CNST: variants seen among roughly 807,000 people sequenced by gnomAD.
CNST encodes the protein consortin, connexin sorting protein.
A neutral mutation model predicts 72.4 loss-of-function variants in CNST; 39 were observed. The ratio of observed to expected loss-of-function variants is 0.54; its 90% CI spans 0.42 to 0.70. The LOEUF is 0.70. CNST is among the 30% of genes least tolerant of loss of function. The probability of loss-of-function intolerance (pLI) is 0.00; values close to 1 mark genes in which losing one functional copy is unlikely to be tolerated. For missense variants in CNST, 871 were observed against 868.5 expected (o/e 1.00, Z -0.04); for synonymous variants, 332 against 320.1 (o/e 1.04, Z -0.40).
chr1:246,616,415 G>A (rs1350600655), intron 2 of CNST, among the ~76,000 whole-genome samples: 2 of 152,016 alleles, frequency 1.3e-5, no homozygotes, highest in Admixed American at 6.5e-5. Flanking sequence ...AAAATCATCC[G>A]GGCTTGGTGG....
chr1:246,612,491 C>G (rs1325107678), intron 2 of CNST, among the ~76,000 whole-genome samples: 1 of 152,198 alleles, frequency 6.6e-6, no homozygotes, highest in Non-Finnish European at 1.5e-5. Flanking sequence ...GCGTGAGCCA[C>G]CGTGGCCAGC....
intron 2 of CNST, among the ~76,000 whole-genome samples, chr1:246,594,131 C>T (rs1000492130): frequency 3.3e-5 from 5 of 151,884 alleles, no homozygotes; most frequent in African/African-American, 1.2e-4. Context: ...AGTCCTTTTA[C>T]TCCTCCCTTC....
Position 246,602,254 on chromosome 1 carries a change from G to A in CNST, c.379+10313G>A, listed in dbSNP as rs530695661. On this transcript the variant is annotated intron_variant, in intron 2 of 10. Transcript: ENST00000366513. ...CTGTGCATTAGCTATCTCTTGCAGC[G>A]TAACAAAACTTAGCAGCTGAAAACA... Among the ~76,000 whole-genome samples the A allele has an allele frequency of 4.6e-5, 7 of 152,330 alleles. No homozygotes were observed. The South Asian group carries it at 1.0e-3, about 23-fold the overall frequency.
intron 6 of CNST, 138 bp downstream of exon 6, chr1:246,634,725 C>T (rs1313381400): frequency 1.6e-6 from 1 of 617,986 alleles, no homozygotes; most frequent in Non-Finnish European, 2.8e-6. Flanking sequence ...TTGCAAGGCT[C>T]TAGTATTGGT....
At chr1:246,572,950 T>C (rs927985939) in intron 1 of CNST, among the ~76,000 whole-genome samples, 1 of 152,172 alleles carries the variant, frequency 6.6e-6, no homozygotes, top group Non-Finnish European at 1.5e-5. Context: ...TTTACTTAAA[T>C]TGGATCTTAC....
Position 246,665,652 on chromosome 1 carries a change from A to G in CNST, c.1973-48A>G, listed in dbSNP as rs371821334. Reference sequence around the variant, plus strand: ...TAGTGAAAAGACAGCAGATGCTAAGATTTCCATTTCGGTGACAATGTAACC... The same window carrying G: ...TAGTGAAAAGACAGCAGATGCTAAGGTTTCCATTTCGGTGACAATGTAACC... On this transcript the variant is annotated intron_variant, in intron 10 of 10. Transcript: ENST00000366513. The G allele has an allele frequency of 6.0e-6, 9 of 1,492,606 alleles. No homozygotes were observed. In the African/African-American group the frequency reaches 8.3e-5, roughly 14 times the overall value. 92.5% of individuals were successfully genotyped at this position (1,492,606 alleles called of 1,614,324 possible).
intron 1 of CNST, among the ~76,000 whole-genome samples, chr1:246,569,709 G>T (rs1239922620): frequency 6.6e-6 from 1 of 152,162 alleles, no homozygotes; most frequent in Non-Finnish European, 1.5e-5. Context: ...GATTACAGGC[G>T]TAGCCACCAT....
intron 1 of CNST, among the ~76,000 whole-genome samples, chr1:246,570,150 G>C (rs1209954576): frequency 1.3e-5 from 2 of 152,174 alleles, no homozygotes; most frequent in Non-Finnish European, 2.9e-5. Flanking sequence ...CTTGTGTATG[G>C]TGGTTTAGGG....
At chr1:246,610,602 G>A (rs962760869) in intron 2 of CNST, among the ~76,000 whole-genome samples, 2 of 152,104 alleles carry the variant, frequency 1.3e-5, no homozygotes, top group Non-Finnish European at 2.9e-5. Flanking sequence ...TTAGGGTCTC[G>A]CCTTTGTTCA....
intron 2 of CNST, chr1:246,606,692 A>G (rs1288909962): frequency 1.5e-4 from 22 of 151,116 alleles, no homozygotes; most frequent in Non-Finnish European, 2.8e-4. Flanking sequence ...TCGATGATCC[A>G]TTGCGGAGGC....
At chr1:246,619,230 T>TTTTGG (rs1181815537) in intron 2 of CNST, among the ~76,000 whole-genome samples, 5 of 152,058 alleles carry the variant, frequency 3.3e-5, no homozygotes, top group Admixed American at 1.3e-4. Flanking sequence ...ATTGGTACCC[T>TTTTGG]TTTGGTTTTG....
At chr1:246,568,532 G>GT (rs2102996238) in intron 1 of CNST, among the ~76,000 whole-genome samples, 1 of 152,276 alleles carries the variant, frequency 6.6e-6, no homozygotes, top group Admixed American at 6.5e-5. Context: ...TTAGTGTGCA[G>GT]TATTTCCCAT....
At chr1:246,657,188 T>G (rs1242675579) in intron 9 of CNST, among the ~76,000 whole-genome samples, 1 of 152,150 alleles carries the variant, frequency 6.6e-6, no homozygotes, top group Non-Finnish European at 1.5e-5. Context: ...CAGGTAGATC[T>G]GAACTGCGCC....
At chr1:246,649,502 T>C (rs1294298733) in intron 9 of CNST, among the ~76,000 whole-genome samples, 1 of 152,204 alleles carries the variant, frequency 6.6e-6, no homozygotes, top group Non-Finnish European at 1.5e-5. Context: ...AAATCTTAGC[T>C]GTAATACCAA....
chr1:246,620,808 G>A (rs113747760), intron 2 of CNST, among the ~76,000 whole-genome samples: 3 of 149,156 alleles, frequency 2.0e-5, no homozygotes, highest in East Asian at 2.0e-4. Context: ...CAGGGAAGAC[G>A]GCTTCAGTCG....
At chr1:246,584,429 A>T (rs887100443) in intron 1 of CNST, among the ~76,000 whole-genome samples, 2 of 152,228 alleles carry the variant, frequency 1.3e-5, no homozygotes, top group African/African-American at 4.8e-5. Context: ...GGTGCAGTCA[A>T]GAATAAAGAG....
chr1:246,637,782 A>G lies in CNST; in HGVS notation c.818+3195A>G, dbSNP rs142519669. ...GTTATTGGATTGCATGGATGTCCCA[A>G]TGGAGTGTGAAACGGGGAATTGTAT... On this transcript the variant is annotated intron_variant, in intron 6 of 10. Coordinates refer to ENST00000366513, the MANE Select transcript of CNST (RefSeq NM_152609.3). Among the ~76,000 whole-genome samples, 447 of 152,342 alleles carry G rather than the reference A, an allele frequency of 2.9e-3. 3 individuals are homozygous for G. The highest frequency in any genetic ancestry group is 0.01 in the African/African-American group (427 of 41,566).
chr1:246,652,907 G>A (rs1195026658), intron 9 of CNST, among the ~76,000 whole-genome samples: 1 of 151,536 alleles, frequency 6.6e-6, no homozygotes, highest in East Asian at 1.9e-4. Context: ...GGGAGGCTGA[G>A]GCAGGAGAAT....
intron 1 of CNST, among the ~76,000 whole-genome samples, chr1:246,576,444 GTTTTGGTT>G (rs1660437685): frequency 8.5e-6 from 1 of 117,840 alleles, no homozygotes; most frequent in Admixed American, 8.9e-5. Flanking sequence ...TCGTAAATTT[GTTTTGGTT>G]TAATTGTGTT....
Sources: allele counts gnomAD v4.1 joint callset (sites outside exome capture counted in the v4.1 genomes callset), GRCh38; gene constraint gnomAD v4.1.1; transcripts MANE v1.5; gene names NCBI Gene and HGNC (gene_info 2026-07-23, HGNC 2026-07-21).